The following NWD2 variants were observed in gnomAD, a reference collection of about 807,000 sequenced individuals.
The protein encoded by NWD2 is NACHT and WD repeat domain containing 2.
NWD2 carries 37 observed loss-of-function variants against 132.7 expected under a neutral mutation model. That is an observed-to-expected ratio of 0.28 (90% confidence interval 0.21 to 0.37). The LOEUF (loss-of-function observed/expected upper bound fraction) is 0.37. Among genes scored for constraint, NWD2 ranks in the 10% least tolerant of loss-of-function variants. NWD2 has a pLI of 1.00. For missense variants in NWD2, 1,592 were observed against 2,122.4 expected (o/e 0.75, Z 4.91); for synonymous variants, 705 against 803.0 (o/e 0.88, Z 2.06).
intron 3 of NWD2, among the ~76,000 whole-genome samples, chr4:37,401,903 A>G (rs1661324347): frequency 6.6e-6 from 1 of 152,164 alleles, no homozygotes; most frequent in African/African-American, 2.4e-5. Flanking sequence ...AATGATACCC[A>G]CTTCCGTGTA....
At chr4:37,259,082 A>G (rs1034489366) in intron 1 of NWD2, among the ~76,000 whole-genome samples, 3 of 152,210 alleles carry the variant, frequency 2.0e-5, no homozygotes, top group Admixed American at 6.5e-5. Flanking sequence ...TTTCAAGGAC[A>G]TGAGTTTCAT....
intron 3 of NWD2, among the ~76,000 whole-genome samples, chr4:37,405,937 T>C (rs897466415): frequency 2.6e-5 from 4 of 152,188 alleles, no homozygotes; most frequent in African/African-American, 9.7e-5. Context: ...AGCAATTGAT[T>C]TAGAACCAGA....
chr4:37,368,387 G>A lies in NWD2; in HGVS notation c.357+11905G>A, dbSNP rs28567807. Among the ~76,000 whole-genome samples, 1,254 of 152,190 alleles carry A rather than the reference G, an allele frequency of 8.2e-3. 19 individuals carry two copies. Among genetic ancestry groups the A allele is most frequent in the African/African-American group, 0.029 (1,192 of 41,518 alleles). On this transcript the variant is annotated intron_variant, in intron 3 of 6. Coordinates refer to ENST00000309447, the MANE Select transcript of NWD2 (RefSeq NM_001144990.2). ...CTTCTAGGAATGTGTATTTTCCATT[G>A]TTGTCCAATAAAACACAACAAGCAA...
Position 37,449,003 on chromosome 4 carries a change from T to G in NWD2, c.*1786T>G, listed in dbSNP as rs1015013638. 9 of 152,244 alleles carry G rather than the reference T, an allele frequency of 5.9e-5. No homozygotes were observed. The highest frequency in any genetic ancestry group is 2.9e-5 in the Non-Finnish European group (2 of 68,030). The allele number at this position is 152,244 out of a possible 1,614,324, so 9.4% of individuals were successfully genotyped here. On this transcript the variant is annotated 3_prime_UTR_variant, in exon 7 of 7. Transcript: ENST00000309447. ...AAGATGTTTTTCAGTATGTTACTTATGGTTTAGCTACTAGCCAGGGAGGTG... is the reference window on the plus strand; with the variant it reads ...AAGATGTTTTTCAGTATGTTACTTAGGGTTTAGCTACTAGCCAGGGAGGTG...
chr4:37,384,698 A>C (rs1420155613), intron 3 of NWD2, among the ~76,000 whole-genome samples: 1 of 152,202 alleles, frequency 6.6e-6, no homozygotes, highest in African/African-American at 2.4e-5. Context: ...CAGCAGCACA[A>C]AGTCATTCAG....
intron 4 of NWD2, among the ~76,000 whole-genome samples, chr4:37,432,350 G>T (rs1712202593): frequency 7.8e-6 from 1 of 128,396 alleles, no homozygotes. Context: ...AATAATACAT[G>T]TGAGGGTGAA....
At chr4:37,386,189 T>G (rs899120392) in intron 3 of NWD2, among the ~76,000 whole-genome samples, 6 of 152,066 alleles carry the variant, frequency 3.9e-5, no homozygotes, top group African/African-American at 1.4e-4. Flanking sequence ...TTCCAGGGAT[T>G]TCTACAGCTA....
At chr4:37,246,097 T>A (rs952796015) in intron 1 of NWD2, among the ~76,000 whole-genome samples, 1 of 152,112 alleles carries the variant, frequency 6.6e-6, no homozygotes, top group Non-Finnish European at 1.5e-5. Context: ...AATTGCTCTT[T>A]TCTAGGAAAA....
intron 2 of NWD2, among the ~76,000 whole-genome samples, chr4:37,354,198 C>A (rs141477597): frequency 0.039 from 5,897 of 152,288 alleles, 147 homozygotes; most frequent in Non-Finnish European, 0.057. Flanking sequence ...AGATTGCTGC[C>A]TGTTCCTTCC....
intron 3 of NWD2, 97 bp from the exon 4 acceptor site, chr4:37,430,475 T>A (rs1314924592): frequency 1.2e-6 from 1 of 837,098 alleles, no homozygotes; most frequent in Non-Finnish European, 1.9e-6. Flanking sequence ...TATCTTGTTA[T>A]CTATTGATTA....
At position 37,375,003 on chromosome 4, in the gene NWD2, A is replaced by G. The variant is rs114761759; in HGVS notation, c.357+18521A>G. Among the ~76,000 whole-genome samples the G allele has an allele frequency of 4.6e-3, 697 of 152,344 alleles. 8 individuals carry two copies. The highest frequency in any genetic ancestry group is 0.016 in the African/African-American group (670 of 41,586). ...AAGTTGTAACCAAATTCATCAAACA[A>G]AATTGATCACAGCATAACTTCTGAA... On this transcript the variant is annotated intron_variant, in intron 3 of 6. Transcript: ENST00000309447.
chr4:37,265,232 C>A (rs1448122002), intron 1 of NWD2, among the ~76,000 whole-genome samples: 3 of 152,012 alleles, frequency 2.0e-5, no homozygotes, highest in Non-Finnish European at 4.4e-5. Context: ...ATATTTACTG[C>A]AGTAAATTAG....
intron 1 of NWD2, among the ~76,000 whole-genome samples, chr4:37,261,184 A>T (rs1268058522): frequency 1.3e-5 from 2 of 152,164 alleles, no homozygotes; most frequent in African/African-American, 4.8e-5. Flanking sequence ...TATCTAGGAG[A>T]TGCTGAGGAC....
At chr4:37,413,165 A>G (rs769200842) in intron 3 of NWD2, among the ~76,000 whole-genome samples, 1 of 152,206 alleles carries the variant, frequency 6.6e-6, no homozygotes, top group Non-Finnish European at 1.5e-5. Flanking sequence ...AAAAGAAACT[A>G]TTATCAGAGT....
In NWD2 at chr4:37,413,476, T is replaced by A. The variant is rs952652850; in HGVS notation, c.358-17096T>A. 2.6e-5 allele frequency among the ~76,000 whole-genome samples: 4 copies of A among 152,130 alleles called. No individual in the cohort carries two copies. In the East Asian group the frequency reaches 5.8e-4, roughly 22 times the overall value. On this transcript the variant is annotated intron_variant, in intron 3 of 6. Coordinates refer to ENST00000309447, the MANE Select transcript of NWD2 (RefSeq NM_001144990.2). The stretch of plus-strand genomic sequence containing the variant: ...CATTAAAAAGTCAGAAAACAACAGA[T>A]GCTGGAGAGGATGTGGAGAAATAGG...
chr4:37,430,803 G>A (rs2109326145), intron 4 of NWD2, 28 bp downstream of exon 4: 1 of 1,528,348 alleles, frequency 6.5e-7, no homozygotes, highest in Non-Finnish European at 8.9e-7. Flanking sequence ...CAAGCCTATG[G>A]ATCTGTCCAT....
chr4:37,380,435 T>C (rs1034029663), intron 3 of NWD2, among the ~76,000 whole-genome samples: 3 of 152,216 alleles, frequency 2.0e-5, no homozygotes, highest in Non-Finnish European at 4.4e-5. Flanking sequence ...TGGACAAATG[T>C]TTTTCTCCCT....
intron 1 of NWD2, among the ~76,000 whole-genome samples, chr4:37,253,422 G>A (rs930025682): frequency 1.3e-5 from 2 of 152,190 alleles, no homozygotes; most frequent in African/African-American, 2.4e-5. Flanking sequence ...AAGGAGCCTG[G>A]AGGAGAGAAT....
At chr4:37,293,724 C>T (rs768697557) in intron 1 of NWD2, among the ~76,000 whole-genome samples, 3 of 151,978 alleles carry the variant, frequency 2.0e-5, no homozygotes, top group Admixed American at 6.6e-5. Context: ...GGAAGTTATA[C>T]GAAGAAGGAA....
Sources: allele counts gnomAD v4.1 joint callset (sites outside exome capture counted in the v4.1 genomes callset), GRCh38; gene constraint gnomAD v4.1.1; transcripts MANE v1.5; gene names NCBI Gene and HGNC (gene_info 2026-07-23, HGNC 2026-07-21).